TXNDC15: variants seen among roughly 807,000 people sequenced by gnomAD.
TXNDC15 encodes the protein thioredoxin domain-containing protein 15.
A neutral mutation model predicts 35.0 loss-of-function variants in TXNDC15; 24 were observed. That is an observed-to-expected ratio of 0.68 (90% confidence interval 0.50 to 0.96). The LOEUF is 0.96. TXNDC15 is among the 40% of genes least tolerant of loss of function. The pLI is 0.00. For synonymous variants in TXNDC15, 169 were observed against 174.0 expected (o/e 0.97, Z 0.23); for missense variants, 385 against 453.3 (o/e 0.85, Z 1.37).
intron 1 of TXNDC15, among the ~76,000 whole-genome samples, chr5:134,883,587 C>CAAAAAAAAAAAAAAAAAAAAAAAAAAA (rs60114636): frequency 2.0e-4 from 13 of 65,360 alleles, no homozygotes; most frequent in African/African-American, 9.9e-4. Context: ...GACCCTGTCT[C>CAAAAAAAAAAAAAAAAAAAAAAAAAAA]AAAAAAAAAA....
At chr5:134,882,170 G>T (rs1305054873) in intron 1 of TXNDC15, among the ~76,000 whole-genome samples, 1 of 151,424 alleles carries the variant, frequency 6.6e-6, no homozygotes, top group Non-Finnish European at 1.5e-5. Context: ...CTCAGACGGG[G>T]TGGCCGGGCA....
chr5:134,888,738 T>C (rs1750328795), intron 2 of TXNDC15, among the ~76,000 whole-genome samples: 1 of 152,160 alleles, frequency 6.6e-6, no homozygotes. Context: ...CGTCTCGGCC[T>C]CCCAAAGTGC....
chr5:134,878,870 G>C (rs1408912790), intron 1 of TXNDC15, among the ~76,000 whole-genome samples: 1 of 152,260 alleles, frequency 6.6e-6, no homozygotes, highest in South Asian at 2.1e-4. Context: ...GTGGTGGTGC[G>C]CATCTGTAAT....
intron 4 of TXNDC15, 47 bp from the exon 5 acceptor site, chr5:134,899,442 G>T: frequency 1.3e-6 from 2 of 1,557,594 alleles, no homozygotes; most frequent in Non-Finnish European, 8.7e-7. Flanking sequence ...AAAATCTGTG[G>T]TGGGTGCTTT....
At position 134,899,976 on chromosome 5, in the gene TXNDC15, C is replaced by T. The variant is rs147410308; in HGVS notation, c.*291C>T. The stretch of plus-strand genomic sequence containing the variant: ...CAGTTTGAAATGTGAAGATGTATTC[C>T]GGCAGAATAGTGAGTAGAATGACAT... On this transcript the variant is annotated 3_prime_UTR_variant, in exon 5 of 5. Transcript: ENST00000358387. 5.3e-4 allele frequency: 143 copies of T among 271,274 alleles called. No individual in the cohort carries two copies. The East Asian group carries it at 9.6e-3, about 18-fold the overall frequency. 16.8% of individuals were successfully genotyped at this position (271,274 alleles called of 1,614,324 possible). A position where few individuals can be genotyped will look rare whatever the true frequency, so the allele number is the denominator to read the frequency against.
At chr5:134,895,214 T>C (rs1474931833) in intron 3 of TXNDC15, among the ~76,000 whole-genome samples, 4 of 152,224 alleles carry the variant, frequency 2.6e-5, no homozygotes, top group East Asian at 3.9e-4. Flanking sequence ...CTGATTTTCA[T>C]TGTGGGAATA....
intron 1 of TXNDC15, among the ~76,000 whole-genome samples, chr5:134,881,896 C>T (rs1286553338): frequency 6.7e-6 from 1 of 149,872 alleles, no homozygotes; most frequent in Non-Finnish European, 1.5e-5. Flanking sequence ...GGCGGCCGGG[C>T]AGAGGCGCCC....
chr5:134,891,442 C>T (rs1274736366), intron 2 of TXNDC15, among the ~76,000 whole-genome samples: 2 of 152,096 alleles, frequency 1.3e-5, no homozygotes, highest in African/African-American at 2.4e-5. Flanking sequence ...GCATTGTCAA[C>T]GAGTATAATA....
At position 134,887,963 on chromosome 5, in the gene TXNDC15, C is replaced by CA. The variant is rs1172810529; in HGVS notation, c.374dup (p.Asn125LysfsTer18). 1 of 1,614,214 alleles carries CA rather than the reference C, an allele frequency of 6.2e-7. No homozygotes were observed. The highest frequency in any genetic ancestry group is 2.2e-5 in the East Asian group (1 of 44,890). Reference sequence around the variant, plus strand: ...CTGGAGGAGCGGAGGACTCAAGGTGCAACGTCCGAGAGAGCCTTTTCTCTC... The same window carrying CA: ...CTGGAGGAGCGGAGGACTCAAGGTGCAAACGTCCGAGAGAGCCTTTTCTCTC... On this transcript the variant is annotated frameshift_variant, in exon 2 of 5. Coordinates refer to ENST00000358387, the MANE Select transcript of TXNDC15 (RefSeq NM_024715.4). LOFTEE classifies it high-confidence loss of function.
intron 1 of TXNDC15, among the ~76,000 whole-genome samples, chr5:134,876,589 A>G (rs1277440413): frequency 6.6e-6 from 1 of 152,162 alleles, no homozygotes; most frequent in Non-Finnish European, 1.5e-5. Context: ...TGCCCAAGTT[A>G]AATGTGCTGT....
chr5:134,874,878 C>T (rs1023028444), intron 1 of TXNDC15, among the ~76,000 whole-genome samples: 1 of 152,248 alleles, frequency 6.6e-6, no homozygotes, highest in Non-Finnish European at 1.5e-5. Flanking sequence ...CAAATACCGA[C>T]ATTGTTGTGG....
intron 1 of TXNDC15, among the ~76,000 whole-genome samples, chr5:134,884,220 A>C (rs1401229158): frequency 1.6e-5 from 1 of 62,878 alleles, no homozygotes; most frequent in African/African-American, 1.0e-4. Context: ...ACTCAGTTTC[A>C]AAAAAAAAAA....
intron 2 of TXNDC15, 51 bp downstream of exon 2, chr5:134,888,233 T>C: frequency 6.7e-7 from 1 of 1,484,086 alleles, no homozygotes; most frequent in Non-Finnish European, 9.2e-7. Context: ...ATTTATTTTA[T>C]GATTAATACC....
intron 1 of TXNDC15, among the ~76,000 whole-genome samples, chr5:134,879,591 T>G (rs1355947711): frequency 6.6e-6 from 1 of 152,128 alleles, no homozygotes; most frequent in Non-Finnish European, 1.5e-5. Flanking sequence ...CCAAAGGCTA[T>G]AGAAATAAAA....
Position 134,887,950 on chromosome 5 carries a change from A to C in TXNDC15, c.359A>C (p.Glu120Ala). The change falls in exon 2 of 5, where the codon GAG becomes GCG. Residue 120 changes from glutamate to alanine, a missense_variant. Glu to Ala is a moderately radical substitution (Grantham distance 107). Coordinates refer to ENST00000358387, the MANE Select transcript of TXNDC15 (RefSeq NM_024715.4). ...GTCACCTGTGGTGCTGGAGGAGCGG[A>C]GGACTCAAGGTGCAACGTCCGAGAG... ...SGVTCGAGGA[E>A]DSRCNVRESL... 6.2e-7 allele frequency: 1 copy of C among 1,614,234 alleles called. No homozygotes were observed. The highest frequency in any genetic ancestry group is 8.5e-7 in the Non-Finnish European group (1 of 1,180,040).
At chr5:134,882,064 G>A (rs1750161726) in intron 1 of TXNDC15, among the ~76,000 whole-genome samples, 2 of 151,320 alleles carry the variant, frequency 1.3e-5, no homozygotes, top group Non-Finnish European at 2.9e-5. Context: ...TGGCTGCTGG[G>A]CGGAGGGGCT....
chr5:134,875,484 G>A (rs1445660799), intron 1 of TXNDC15: 4 of 440,560 alleles, frequency 9.1e-6, no homozygotes, highest in African/African-American at 2.0e-5. Context: ...TCATCTTTTG[G>A]AATCTTTACT....
At chr5:134,876,555 C>T (rs1750038013) in intron 1 of TXNDC15, among the ~76,000 whole-genome samples, 1 of 152,056 alleles carries the variant, frequency 6.6e-6, no homozygotes, top group Non-Finnish European at 1.5e-5. Context: ...CATTAGTGGT[C>T]CCTTCATTAA....
At position 134,874,467 on chromosome 5, in the gene TXNDC15, C is replaced by T. The variant is rs773573700; in HGVS notation, c.40C>T (p.Arg14Trp). Reference protein sequence around the residue: ...AAGRRPPRVMRLLGWWQVLLW... With the variant: ...AAGRRPPRVMWLLGWWQVLLW... ...CGGTCGACGACCGCCCCGCGTCATG[C>T]GGCTCCTCGGCTGGTGGCAAGTATT... is the stretch of plus-strand genomic sequence containing the variant. The change falls in exon 1 of 5, where the codon CGG (arginine) becomes TGG (tryptophan). Residue 14 changes from arginine (R) to tryptophan (W), a missense_variant. By Grantham distance (101) the Arg-to-Trp change is moderately radical (BLOSUM62 -3). Transcript: ENST00000358387. 1.9e-6 allele frequency: 3 copies of T among 1,605,130 alleles called. No homozygotes were observed. Among genetic ancestry groups the T allele is most frequent in the East Asian group, 2.3e-5 (1 of 43,928 alleles).
Sources: allele counts gnomAD v4.1 joint callset (sites outside exome capture counted in the v4.1 genomes callset), GRCh38; gene constraint gnomAD v4.1.1; transcripts MANE v1.5; gene names NCBI Gene and HGNC (gene_info 2026-07-23, HGNC 2026-07-21).